PRKDC: variants seen among roughly 807,000 people sequenced by gnomAD.
PRKDC encodes DNA-dependent protein kinase catalytic subunit.
In PRKDC, 82 loss-of-function variants were observed where a neutral mutation model predicts 486.9. That is an observed-to-expected ratio of 0.17 (90% CI 0.14 to 0.20). PRKDC has a LOEUF of 0.20. PRKDC is among the 10% of genes least tolerant of loss of function. PRKDC has a pLI of 1.00. For synonymous variants in PRKDC, 1,895 were observed against 1,837.0 expected (o/e 1.03, Z -0.81); for missense variants, 4,504 against 5,038.2 (o/e 0.89, Z 3.21).
chr8:47,876,485 GA>G (rs1158473505), intron 40 of PRKDC, among the ~76,000 whole-genome samples: 1 of 151,772 alleles, frequency 6.6e-6, no homozygotes, highest in Non-Finnish European at 1.5e-5. Flanking sequence ...AACATGGTGA[GA>G]CCCCGTCTCT....
chr8:47,799,427 T>C (rs1331650761), intron 71 of PRKDC, 37 bp from the exon 72 acceptor site: 13 of 1,437,608 alleles, frequency 9.0e-6, no homozygotes, highest in Non-Finnish European at 1.2e-5. Flanking sequence ...TGAGCATGAC[T>C]GAAGCTTTCT....
intron 10 of PRKDC, among the ~76,000 whole-genome samples, chr8:47,942,350 G>C (rs915037967): frequency 6.6e-5 from 10 of 152,216 alleles, no homozygotes; most frequent in African/African-American, 2.4e-4. Flanking sequence ...GTACAGCAGG[G>C]AGACTAAGGA....
In PRKDC at chr8:47,779,067, T is replaced by C; in HGVS notation, c.11516A>G (p.Tyr3839Cys). Reference sequence around the variant, plus strand: ...TGACATTTTTGTCAGCCAATCTTTATATTCACACGGCGGTGCCCTGGGATC... The same window carrying C: ...TGACATTTTTGTCAGCCAATCTTTACATTCACACGGCGGTGCCCTGGGATC... ...LSDPRAPPCE[Y>C]KDWLTKMSGK... is the part of the protein sequence containing the mutation. Residue 3839 changes from tyrosine (Y) to cysteine (C), a missense_variant, in exon 81 of 86, where the codon TAT becomes TGT. Physicochemically the swap from Tyr to Cys is radical, Grantham distance 194. Coordinates refer to ENST00000314191, the MANE Select transcript of PRKDC (RefSeq NM_006904.7). The C allele has an allele frequency of 1.1e-5, 18 of 1,600,184 alleles. No individual in the cohort carries two copies. The highest frequency in any genetic ancestry group is 1.5e-5 in the Non-Finnish European group (18 of 1,172,616).
Position 47,953,825 on chromosome 8 carries a change from C to T in PRKDC, c.603G>A (p.Leu201=). 6.4e-7 allele frequency: 1 copy of T among 1,571,606 alleles called. No homozygotes were observed. Among genetic ancestry groups the T allele is most frequent in the Non-Finnish European group, 8.6e-7 (1 of 1,156,378 alleles). Residue 201 remains leucine, a synonymous_variant, in exon 6 of 86, where the codon CTG becomes CTA. Coordinates refer to ENST00000314191, the MANE Select transcript of PRKDC (RefSeq NM_006904.7). The part of the protein sequence containing the change: ...NNAENLFRAF[L]GELKTQMTSA... The stretch of plus-strand genomic sequence containing the variant: ...ATCATACCTGGGTCTTAAGTTCACC[C>T]AGAAAAGCGCGGAACAGGTTTTCTG...
intron 68 of PRKDC, among the ~76,000 whole-genome samples, chr8:47,812,827 C>T (rs1457140972): frequency 6.6e-6 from 1 of 151,846 alleles, no homozygotes; most frequent in African/African-American, 2.4e-5. Flanking sequence ...AAAACTGACA[C>T]AAACCTTTAC....
At chr8:47,805,607 C>T (rs750526047) in intron 69 of PRKDC, among the ~76,000 whole-genome samples, 3 of 152,188 alleles carry the variant, frequency 2.0e-5, no homozygotes, top group Non-Finnish European at 4.4e-5. Context: ...TCTTCAGCTT[C>T]TCAGGTAAGG....
At chr8:47,801,660 T>C (rs1052925026) in intron 70 of PRKDC, among the ~76,000 whole-genome samples, 2 of 152,212 alleles carry the variant, frequency 1.3e-5, no homozygotes, top group Non-Finnish European at 2.9e-5. Flanking sequence ...CCAGAGTAGA[T>C]CTTTAAATTG....
chr8:47,837,505 C>T, intron 56 of PRKDC, 86 bp from the exon 57 acceptor site: 4 of 989,702 alleles, frequency 4.0e-6, no homozygotes, highest in Non-Finnish European at 6.0e-6. Flanking sequence ...GTGGAGAAGG[C>T]ACAGCTCTTC....
intron 10 of PRKDC, among the ~76,000 whole-genome samples, chr8:47,942,091 C>A (rs2090454638): frequency 6.6e-6 from 1 of 152,252 alleles, no homozygotes; most frequent in African/African-American, 2.4e-5. Context: ...CCTCTGCACA[C>A]ATTCCGGACA....
At chr8:47,810,154 A>C (rs576420133) in intron 68 of PRKDC, among the ~76,000 whole-genome samples, 5 of 152,314 alleles carry the variant, frequency 3.3e-5, no homozygotes, top group Admixed American at 6.5e-5. Flanking sequence ...CTACTATCTA[A>C]ACAGATCACC....
At chr8:47,788,018 C>T (rs1209056224) in intron 76 of PRKDC, among the ~76,000 whole-genome samples, 1 of 152,182 alleles carries the variant, frequency 6.6e-6, no homozygotes, top group Non-Finnish European at 1.5e-5. Flanking sequence ...CATGGTGGAA[C>T]TTGAGAACTC....
intron 54 of PRKDC, among the ~76,000 whole-genome samples, chr8:47,848,872 G>A (rs1000178558): frequency 6.6e-5 from 10 of 152,150 alleles, no homozygotes; most frequent in African/African-American, 2.4e-4. Context: ...TTTTAAATCT[G>A]AAGAGAGCCA....
In PRKDC at chr8:47,795,612, G is replaced by A. The variant is rs2086968850; in HGVS notation, c.10459-1111C>T. Among the ~76,000 whole-genome samples, 3 of 150,382 alleles carry A rather than the reference G, an allele frequency of 2.0e-5. No homozygotes were observed. The Admixed American group carries it at 2.0e-4, about 10-fold the overall frequency. On this transcript the variant is annotated intron_variant, in intron 73 of 85. Coordinates refer to ENST00000314191, the MANE Select transcript of PRKDC (RefSeq NM_006904.7). ...GGTTTTAGCAATTCTTTCTACCTCA[G>A]CCTTCCGAGTAGCTGGGATTACAAA... is the stretch of plus-strand genomic sequence containing the variant.
At chr8:47,865,376 C>T (rs1317131014) in intron 40 of PRKDC, among the ~76,000 whole-genome samples, 1 of 148,046 alleles carries the variant, frequency 6.8e-6, no homozygotes, top group South Asian at 2.1e-4. Flanking sequence ...AGTGAGACTC[C>T]GTCTCAAAAA....
rs1483941725 is a variant in PRKDC, at chr8:47,943,294, A to G, written c.881T>C (p.Phe294Ser). 1 of 1,612,708 alleles carries G rather than the reference A, an allele frequency of 6.2e-7. No individual in the cohort carries two copies. The highest frequency in any genetic ancestry group is 1.1e-5 in the South Asian group (1 of 90,672). Residue 294 changes from phenylalanine to serine, a missense_variant, in exon 10 of 86, where the codon TTT becomes TCT. This residue lies in a region of PRKDC where 1,969 missense variants were observed against 2,068.9 expected (regional missense o/e 0.95). Transcript: ENST00000314191. ...TCLLDNYVSL[F>S]EVLLKWCAHT... ...GGCACACCACTTTAACAAGACTTCA[A>G]ATAGAGACACGTAGTTGTCCAGAAG...
Position 47,821,615 on chromosome 8 carries a change from G to A in PRKDC, c.9100C>T (p.Pro3034Ser). 1 of 1,595,328 alleles carries A rather than the reference G, an allele frequency of 6.3e-7. No individual in the cohort carries two copies. The highest frequency in any genetic ancestry group is 8.6e-7 in the Non-Finnish European group (1 of 1,169,134). Residue 3034 changes from proline to serine, a missense_variant, in exon 65 of 86, where the codon CCA (proline) becomes TCA (serine). This residue lies in a region of PRKDC where 1,592 missense variants were observed against 1,724.6 expected (regional missense o/e 0.92). Coordinates refer to ENST00000314191, the MANE Select transcript of PRKDC (RefSeq NM_006904.7). ...ATAATTTTACCCACCTGATAAAATGGTTCACTCCAGATTTTATTTAGGTCT... is the reference window on the plus strand; with the variant it reads ...ATAATTTTACCCACCTGATAAAATGATTCACTCCAGATTTTATTTAGGTCT... Reference protein sequence around the residue: ...PPDLNKIWSEPFYQETYLPYM... With the variant: ...PPDLNKIWSESFYQETYLPYM...
chr8:47,779,277 C>G, intron 80 of PRKDC, 184 bp from the exon 81 acceptor site: 1 of 510,110 alleles, frequency 2.0e-6, no homozygotes, highest in Non-Finnish European at 3.4e-6. Flanking sequence ...TTCAATATAC[C>G]ATTATTCATT....
chr8:47,826,074 A>G (rs1482611222), intron 63 of PRKDC, among the ~76,000 whole-genome samples: 2 of 152,332 alleles, frequency 1.3e-5, no homozygotes, highest in African/African-American at 2.4e-5. Flanking sequence ...CTTAAAACCT[A>G]AAGCTCTAAA....
At chr8:47,835,286 C>T (rs1162759332) in intron 58 of PRKDC, among the ~76,000 whole-genome samples, 4 of 152,034 alleles carry the variant, frequency 2.6e-5, no homozygotes, top group Non-Finnish European at 5.9e-5. Context: ...TTTTTCTGTA[C>T]CAAACCAAAA....
Sources: gnomAD v4.1 joint callset for allele counts (sites outside exome capture counted in the v4.1 genomes callset) on GRCh38, gnomAD v4.1.1 for gene constraint, gnomAD v4.1.1 regional missense constraint, MANE v1.5 for transcripts, NCBI Gene and HGNC (gene_info 2026-07-23, HGNC 2026-07-21) for gene names.